SKP2: variants seen among roughly 807,000 people sequenced by gnomAD.
SKP2 encodes S-phase kinase associated protein 2.
In SKP2, 16 loss-of-function variants were observed where a neutral mutation model predicts 51.8. The ratio of observed to expected loss-of-function variants is 0.31; its 90% confidence interval spans 0.21 to 0.47. The LOEUF (loss-of-function observed/expected upper bound fraction) is 0.47, where lower values mean the gene tolerates loss of function less well. Ranked by LOEUF, SKP2 falls within the 20% of genes least tolerant of loss-of-function variation. The probability of loss-of-function intolerance (pLI) is 1.00; values close to 1 mark genes in which losing one functional copy is unlikely to be tolerated. For missense variants in SKP2, 377 were observed against 505.3 expected, an observed-to-expected ratio of 0.75 and a Z score of 2.43; for synonymous variants, 176 against 198.6, an observed-to-expected ratio of 0.89 and a Z score of 0.96.
chr5:36,192,734 T>C (rs1402475294), intron 7 of SKP2: 1 of 152,222 alleles, frequency 6.6e-6, no homozygotes, highest in Non-Finnish European at 1.5e-5. Flanking sequence ...AATCATTCTA[T>C]GTCAAATGTT....
Position 36,182,368 on chromosome 5 carries a change from A to C in SKP2, c.*337A>C. The C allele has an allele frequency of 9.5e-7, 1 of 1,047,242 alleles. No homozygotes were observed. The allele number at this position is 1,047,242 out of a possible 1,614,324, so 64.9% of individuals were successfully genotyped here. On this transcript the variant is annotated 3_prime_UTR_variant, in exon 10 of 10. Coordinates refer to ENST00000274255, the MANE Select transcript of SKP2 (RefSeq NM_005983.4). ...TAAGTCTATTCAGAATCAAGCTTAA[A>C]AATTACCACCAGCAAACAATCTTCA...
At chr5:36,170,610 G>C (rs1329710287) in intron 6 of SKP2, among the ~76,000 whole-genome samples, 168 bp downstream of exon 6, 1 of 152,202 alleles carries the variant, frequency 6.6e-6, no homozygotes, top group Non-Finnish European at 1.5e-5. Context: ...AAACTCAGGA[G>C]CCAAGTCAAT....
downstream of SKP2, among the ~76,000 whole-genome samples, chr5:36,187,402 T>G (rs1745966071): frequency 6.6e-6 from 1 of 152,234 alleles, no homozygotes; most frequent in South Asian, 2.1e-4. Flanking sequence ...TACACACTGC[T>G]TTAAATGTAC....
chr5:36,190,935 G>A (rs1050505746), intron 6 of SKP2, among the ~76,000 whole-genome samples: 2 of 152,138 alleles, frequency 1.3e-5, no homozygotes, highest in Admixed American at 1.3e-4. Flanking sequence ...CAGTTGTCTC[G>A]TGTTTTCTTC....
In SKP2 at chr5:36,152,174, G is replaced by C. The variant is rs910078763; in HGVS notation, c.-89G>C. ...TGCTGGGGGCCCGAGCAGCACGCTC[G>C]GAGCCGCCGCGCGCCAAAGCGGGAA... is the stretch of plus-strand genomic sequence containing the variant. On this transcript the variant is annotated 5_prime_UTR_variant, in exon 1 of 10. Coordinates refer to ENST00000274255, the MANE Select transcript of SKP2 (RefSeq NM_005983.4). 3 of 1,439,488 alleles carry C rather than the reference G, an allele frequency of 2.1e-6. No homozygotes were observed. The highest frequency in any genetic ancestry group is 4.5e-5 in the East Asian group (2 of 44,038). 89.2% of individuals were successfully genotyped at this position (1,439,488 alleles called of 1,614,324 possible).
At chr5:36,179,056 CAG>C (rs1176081328) in intron 9 of SKP2, among the ~76,000 whole-genome samples, 1 of 151,986 alleles carries the variant, frequency 6.6e-6, no homozygotes, top group Non-Finnish European at 1.5e-5. Flanking sequence ...ATAAGACAAA[CAG>C]GGGCATTAGG....
At chr5:36,190,988 T>C (rs1484685394) in intron 6 of SKP2, among the ~76,000 whole-genome samples, 1 of 152,234 alleles carries the variant, frequency 6.6e-6, no homozygotes, top group Non-Finnish European at 1.5e-5. Context: ...GTGTACATAC[T>C]GCATTTGATT....
rs1477805575 is a variant in SKP2 at position 36,183,916 on chromosome 5, C to G, written c.*1885C>G. The G allele has an allele frequency of 3.1e-6, 5 of 1,611,490 alleles. No homozygotes were observed. The highest frequency in any genetic ancestry group is 4.2e-6 in the Non-Finnish European group (5 of 1,179,586). On this transcript the variant is annotated 3_prime_UTR_variant, in exon 10 of 10. Coordinates refer to ENST00000274255, the MANE Select transcript of SKP2 (RefSeq NM_005983.4). The stretch of plus-strand genomic sequence containing the variant: ...CCCTCAAACATACAGAACTTCCAAA[C>G]TCAAGTCCAGCCATAAGCTATTTTG...
chr5:36,163,900 A>T (rs1041002225), intron 3 of SKP2, 144 bp downstream of exon 3: 1 of 616,668 alleles, frequency 1.6e-6, no homozygotes. Context: ...TTTATTAATC[A>T]GTGTCCTCAT....
chr5:36,167,555 T>C (rs1177746766), intron 4 of SKP2, among the ~76,000 whole-genome samples: 1 of 152,114 alleles, frequency 6.6e-6, no homozygotes, highest in Non-Finnish European at 1.5e-5. Context: ...CCTAAAAACG[T>C]CTGTACCTGA....
At chr5:36,176,681 A>G (rs1745642289) in intron 7 of SKP2, among the ~76,000 whole-genome samples, 1 of 151,824 alleles carries the variant, frequency 6.6e-6, no homozygotes. Flanking sequence ...TGCTTTTGTG[A>G]ATGGGATTTT....
chr5:36,179,354 T>C (rs1447664883), intron 9 of SKP2, among the ~76,000 whole-genome samples: 2 of 152,170 alleles, frequency 1.3e-5, no homozygotes, highest in Non-Finnish European at 2.9e-5. Context: ...CCATCTATGC[T>C]AAAGAACTTA....
At chr5:36,167,866 ACT>A (rs1745338721) in intron 4 of SKP2, among the ~76,000 whole-genome samples, 1 of 151,970 alleles carries the variant, frequency 6.6e-6, no homozygotes, top group Non-Finnish European at 1.5e-5. Flanking sequence ...GATCCACTGG[ACT>A]CAGCCTTTCA....
downstream of SKP2, chr5:36,184,367 T>A (rs917706353): frequency 2.0e-5 from 3 of 153,652 alleles, no homozygotes; most frequent in African/African-American, 7.2e-5. Flanking sequence ...ACCCATTAAC[T>A]TGTCATTTAC....
At chr5:36,155,219 T>TTC (rs1744906613) in intron 2 of SKP2, 1 of 151,366 alleles carries the variant, frequency 6.6e-6, no homozygotes, top group African/African-American at 2.4e-5. Context: ...CATTCCACTT[T>TTC]TAATTAAGAA....
chr5:36,167,778 C>G (rs1745335057), intron 4 of SKP2, among the ~76,000 whole-genome samples: 1 of 152,094 alleles, frequency 6.6e-6, no homozygotes, highest in South Asian at 2.1e-4. Context: ...GCCACCACGC[C>G]CAACTAATTT....
chr5:36,187,566 A>T (rs1049707350), downstream of SKP2, among the ~76,000 whole-genome samples: 5 of 152,178 alleles, frequency 3.3e-5, no homozygotes, highest in Non-Finnish European at 7.4e-5. Context: ...CTTAATCCTG[A>T]GTTCTAGTTT....
chr5:36,153,129 A>G lies in SKP2; in HGVS notation c.280+87A>G. The G allele has an allele frequency of 3.0e-6, 4 of 1,326,096 alleles. No individual in the cohort carries two copies. In the South Asian group the frequency reaches 4.1e-5, roughly 13 times the overall value. The allele number at this position is 1,326,096 out of a possible 1,614,324, so 82.1% of individuals were successfully genotyped here. On this transcript the variant is annotated intron_variant, in intron 2 of 9. Coordinates refer to ENST00000274255, the MANE Select transcript of SKP2 (RefSeq NM_005983.4). Reference sequence around the variant, plus strand: ...AAACCTTTGTTCAGAGATCTTTAGCATGGGTTCCTTTTAAGATTGCCTAAT... The same window carrying G: ...AAACCTTTGTTCAGAGATCTTTAGCGTGGGTTCCTTTTAAGATTGCCTAAT...
chr5:36,164,571 C>T (rs577432688), intron 3 of SKP2, among the ~76,000 whole-genome samples: 212 of 152,340 alleles, frequency 1.4e-3, no homozygotes, highest in Non-Finnish European at 2.0e-3. Flanking sequence ...ATACTTAGAA[C>T]TCCCTGTGTG....
Sources: allele counts gnomAD v4.1 joint callset (sites outside exome capture counted in the v4.1 genomes callset), GRCh38; gene constraint gnomAD v4.1.1; transcripts MANE v1.5; gene names NCBI Gene and HGNC (gene_info 2026-07-23, HGNC 2026-07-21).